Variants in SGCZ observed in about 807,000 individuals in gnomAD.
SGCZ encodes sarcoglycan zeta.
In SGCZ, 40 loss-of-function variants were observed where a neutral mutation model predicts 41.3. The observed-to-expected ratio is 0.97, with a 90% CI of 0.75 to 1.26. The LOEUF is 1.26. Among genes scored for constraint, SGCZ ranks in the 50% most tolerant of loss-of-function variants. The pLI is 0.00. For synonymous variants in SGCZ, 206 were observed against 137.5 expected (o/e 1.50, Z -3.49); for missense variants, 552 against 369.8 (o/e 1.49, Z -4.04).
At chr8:14,366,681 C>T (rs1585412092) in intron 2 of SGCZ, among the ~76,000 whole-genome samples, 1 of 152,288 alleles carries the variant, frequency 6.6e-6, no homozygotes, top group African/African-American at 2.4e-5. Flanking sequence ...GTTTTCAAAA[C>T]TAACCATGCC....
intron 1 of SGCZ, among the ~76,000 whole-genome samples, chr8:14,807,769 C>A (rs2089598523): frequency 6.6e-6 from 1 of 152,092 alleles, no homozygotes; most frequent in Admixed American, 6.6e-5. Flanking sequence ...GCCCGCATCA[C>A]CAAGTCAATC....
intron 1 of SGCZ, among the ~76,000 whole-genome samples, chr8:15,212,656 G>C (rs1237400119): frequency 2.0e-5 from 3 of 152,022 alleles, no homozygotes; most frequent in African/African-American, 7.2e-5. Flanking sequence ...TGAACTTAGA[G>C]ATAAAAGAAC....
chr8:15,000,288 GTTTC>G (rs994305855), intron 1 of SGCZ, among the ~76,000 whole-genome samples: 3 of 152,122 alleles, frequency 2.0e-5, no homozygotes, highest in African/African-American at 7.2e-5. Context: ...CTCAGTCTTT[GTTTC>G]TTTGTTATGG....
intron 1 of SGCZ, among the ~76,000 whole-genome samples, chr8:14,914,231 T>G (rs1799361643): frequency 7.2e-6 from 1 of 139,176 alleles, no homozygotes; most frequent in African/African-American, 3.1e-5. Flanking sequence ...TATGTATGCG[T>G]ATATATATAT....
intron 1 of SGCZ, among the ~76,000 whole-genome samples, chr8:15,125,077 T>C (rs1041809083): frequency 7.9e-5 from 12 of 152,210 alleles, no homozygotes; most frequent in Admixed American, 7.9e-4. Context: ...TTTATATTCA[T>C]TTTATGGATA....
At chr8:15,102,383 T>C (rs1806648131) in intron 1 of SGCZ, among the ~76,000 whole-genome samples, 1 of 152,052 alleles carries the variant, frequency 6.6e-6, no homozygotes, top group Non-Finnish European at 1.5e-5. Context: ...GAGATATAAA[T>C]AGATAGAAAA....
chr8:14,165,703 A>G (rs2116987277), intron 4 of SGCZ, among the ~76,000 whole-genome samples: 1 of 152,210 alleles, frequency 6.6e-6, no homozygotes, highest in South Asian at 2.1e-4. Context: ...GGAATCACAC[A>G]TGTGGGGCAT....
chr8:14,926,640 TG>T (rs1799759888), intron 1 of SGCZ, among the ~76,000 whole-genome samples: 1 of 148,188 alleles, frequency 6.7e-6, no homozygotes, highest in African/African-American at 2.5e-5. Flanking sequence ...TTTCCGTGTG[TG>T]TGGTTTTTTT....
chr8:14,709,727 C>T (rs983773412), intron 1 of SGCZ, among the ~76,000 whole-genome samples: 2 of 151,594 alleles, frequency 1.3e-5, no homozygotes, highest in Non-Finnish European at 2.9e-5. Context: ...TTCGTGAAGT[C>T]GAAATGGCAA....
At chr8:14,158,695 T>G (rs1803951822) in intron 5 of SGCZ, among the ~76,000 whole-genome samples, 1 of 152,192 alleles carries the variant, frequency 6.6e-6, no homozygotes, top group Non-Finnish European at 1.5e-5. Context: ...TACCAGGCCC[T>G]GAATGATGGC....
intron 4 of SGCZ, among the ~76,000 whole-genome samples, chr8:14,197,713 A>G (rs1467698295): frequency 6.6e-6 from 1 of 152,116 alleles, no homozygotes; most frequent in Admixed American, 6.5e-5. Flanking sequence ...CATATTTAAT[A>G]TTCAAAACCT....
chr8:14,211,207 G>C (rs1276292187), intron 4 of SGCZ, among the ~76,000 whole-genome samples: 2 of 152,170 alleles, frequency 1.3e-5, no homozygotes, highest in Non-Finnish European at 2.9e-5. Flanking sequence ...GAGTAAAGGT[G>C]TTTTGCTTGC....
At chr8:14,096,064 C>T (rs1339963841) in intron 7 of SGCZ, among the ~76,000 whole-genome samples, 1 of 152,086 alleles carries the variant, frequency 6.6e-6, no homozygotes, top group Non-Finnish European at 1.5e-5. Flanking sequence ...GACAATTTGC[C>T]TTCCTGTATT....
rs562193841 is a variant in SGCZ at position 14,084,977 on chromosome 8, C to G, written c.*5466G>C. ...GAGCTCATTGCATGCTTCAAAAGGT[C>G]TCATTTCAGAGAAAAAAAGGTTTCC... On this transcript the variant is annotated 3_prime_UTR_variant, in exon 8 of 8. Coordinates refer to ENST00000382080, the MANE Select transcript of SGCZ (RefSeq NM_139167.4). Among the ~76,000 whole-genome samples, 1 of 151,704 alleles carries G rather than the reference C, an allele frequency of 6.6e-6. No individual in the cohort carries two copies. The highest frequency in any genetic ancestry group is 1.5e-5 in the Non-Finnish European group (1 of 67,820).
chr8:15,168,318 C>A (rs773757131), intron 1 of SGCZ, among the ~76,000 whole-genome samples: 18 of 152,306 alleles, frequency 1.2e-4, no homozygotes, highest in Non-Finnish European at 2.1e-4. Flanking sequence ...CAACCCCAGG[C>A]TTCCTGTTTC....
At chr8:14,796,066 G>A (rs1004368414) in intron 1 of SGCZ, among the ~76,000 whole-genome samples, 28 of 152,106 alleles carry the variant, frequency 1.8e-4, no homozygotes, top group Non-Finnish European at 2.9e-4. Context: ...TCTTTATCCA[G>A]TCTATCACTG....
At chr8:15,200,501 G>A (rs1488548466) in intron 1 of SGCZ, among the ~76,000 whole-genome samples, 3 of 152,148 alleles carry the variant, frequency 2.0e-5, no homozygotes, top group African/African-American at 7.2e-5. Context: ...TTACCTAAAG[G>A]AGGGTAGGGG....
intron 1 of SGCZ, among the ~76,000 whole-genome samples, chr8:14,728,513 G>A (rs1810133253): frequency 1.3e-5 from 2 of 151,888 alleles, no homozygotes; most frequent in South Asian, 4.2e-4. Flanking sequence ...ACACGAAAAT[G>A]AATTATGAAT....
intron 2 of SGCZ, among the ~76,000 whole-genome samples, chr8:14,479,473 T>C (rs531250553): frequency 6.6e-6 from 1 of 152,270 alleles, no homozygotes; most frequent in African/African-American, 2.4e-5. Flanking sequence ...TAACCTCCTT[T>C]GGCCATACCC....
Sources: allele counts gnomAD v4.1 joint callset (sites outside exome capture counted in the v4.1 genomes callset), GRCh38; gene constraint gnomAD v4.1.1; transcripts MANE v1.5; gene names NCBI Gene and HGNC (gene_info 2026-07-23, HGNC 2026-07-21).